Variants in BANK1 observed in about 807,000 individuals in gnomAD.
BANK1 encodes the protein B-cell scaffold protein with ankyrin repeats.
In BANK1, 95 loss-of-function variants were observed where a neutral mutation model predicts 94.5. That is an observed-to-expected ratio of 1.00 (90% CI 0.85 to 1.19). BANK1 has a LOEUF of 1.19. Ranked by LOEUF, BANK1 falls within the 50% of genes most tolerant of loss-of-function variation. The probability of loss-of-function intolerance (pLI) is 0.00; values close to 1 mark genes in which losing one functional copy is unlikely to be tolerated. For synonymous variants in BANK1, 334 were observed against 308.4 expected (o/e 1.08, Z -0.87); for missense variants, 987 against 932.2 (o/e 1.06, Z -0.77).
At chr4:102,042,809 T>G (rs1002914047) in intron 10 of BANK1, among the ~76,000 whole-genome samples, 14 of 151,942 alleles carry the variant, frequency 9.2e-5, no homozygotes, top group African/African-American at 2.9e-4. Context: ...CTAATTTCCC[T>G]TTTAATCCTC....
intron 1 of BANK1, among the ~76,000 whole-genome samples, chr4:101,796,267 GT>G (rs1378185228): frequency 1.3e-5 from 2 of 152,030 alleles, no homozygotes; most frequent in African/African-American, 4.8e-5. Context: ...CCATGAAATT[GT>G]TTATAGTATC....
chr4:101,841,306 A>G (rs1230976830), intron 2 of BANK1, among the ~76,000 whole-genome samples: 1 of 152,222 alleles, frequency 6.6e-6, no homozygotes, highest in African/African-American at 2.4e-5. Context: ...TTCATTCCAT[A>G]TATAATTCTG....
intron 6 of BANK1, among the ~76,000 whole-genome samples, chr4:101,897,548 A>C (rs1022643713): frequency 3.9e-5 from 6 of 152,000 alleles, no homozygotes; most frequent in Admixed American, 3.3e-4. Context: ...GCTGGGGTAC[A>C]TTCTAAGTGT....
intron 2 of BANK1, among the ~76,000 whole-genome samples, chr4:101,853,751 G>A (rs933596666): frequency 2.0e-5 from 3 of 152,064 alleles, no homozygotes; most frequent in African/African-American, 7.2e-5. Flanking sequence ...GGTCTCCTGG[G>A]GCAAGGCATT....
chr4:101,971,620 C>T (rs1221357249), intron 7 of BANK1, among the ~76,000 whole-genome samples: 1 of 152,016 alleles, frequency 6.6e-6, no homozygotes, highest in Non-Finnish European at 1.5e-5. Context: ...TTTACAGTTT[C>T]TGGTTTTACA....
At chr4:102,063,196 G>GGAC in intron 13 of BANK1, 58 bp downstream of exon 13, 1 of 1,475,072 alleles carries the variant, frequency 6.8e-7, no homozygotes, top group Non-Finnish European at 9.5e-7. Flanking sequence ...GAAAATTCAA[G>GGAC]GACTGTGGAG....
rs534489178 is a variant in BANK1 at position 101,978,232 on chromosome 4, A to G, written c.1207-43282A>G. On this transcript the variant is annotated intron_variant, in intron 7 of 16. Coordinates refer to ENST00000322953, the MANE Select transcript of BANK1 (RefSeq NM_017935.5). ...TGTAATTCCAGATCAGAAAATGATG[A>G]ACTTTATTTTTAGAATCACAGTATT... Among the ~76,000 whole-genome samples the G allele has an allele frequency of 1.7e-4, 26 of 152,252 alleles. No homozygotes were observed. In the South Asian group the frequency reaches 5.2e-3, roughly 30 times the overall value.
intron 2 of BANK1, among the ~76,000 whole-genome samples, chr4:101,835,973 A>C (rs1560594273): frequency 6.6e-6 from 1 of 152,194 alleles, no homozygotes; most frequent in Non-Finnish European, 1.5e-5. Flanking sequence ...TTTCAGTTGA[A>C]ATCTCAACCA....
At chr4:102,006,192 A>G (rs140241693) in intron 7 of BANK1, among the ~76,000 whole-genome samples, 1 of 152,184 alleles carries the variant, frequency 6.6e-6, no homozygotes, top group East Asian at 1.9e-4. Context: ...TCTGAGAAAG[A>G]TTAAATAACT....
In BANK1 at chr4:101,858,729, A is replaced by T. The variant is rs1727768850; in HGVS notation, c.624+3540A>T. ...TTGAGAAAATTTAATTCTGAAAGTC[A>T]TCGTGCAACCACAAAAGACCGTTAA... is the stretch of plus-strand genomic sequence containing the variant. On this transcript the variant is annotated intron_variant, in intron 3 of 16. Coordinates refer to ENST00000322953, the MANE Select transcript of BANK1 (RefSeq NM_017935.5). Among the ~76,000 whole-genome samples, 2 of 152,220 alleles carry T rather than the reference A, an allele frequency of 1.3e-5. 1 individual carries two copies. Among genetic ancestry groups the T allele is most frequent in the South Asian group, 4.1e-4 (2 of 4,830 alleles).
At chr4:101,921,941 A>G (rs991812561) in intron 7 of BANK1, among the ~76,000 whole-genome samples, 2 of 150,666 alleles carry the variant, frequency 1.3e-5, no homozygotes, top group African/African-American at 2.4e-5. Flanking sequence ...GTGCGATGGG[A>G]TTCCTGTGGC....
intron 7 of BANK1, among the ~76,000 whole-genome samples, chr4:101,939,775 C>T (rs911236852): frequency 2.0e-5 from 3 of 151,626 alleles, no homozygotes; most frequent in Non-Finnish European, 4.4e-5. Flanking sequence ...ATAAATTAAA[C>T]TTCAAAGTTG....
chr4:101,957,444 C>T (rs926420316), intron 7 of BANK1, among the ~76,000 whole-genome samples: 3 of 152,174 alleles, frequency 2.0e-5, no homozygotes, highest in African/African-American at 7.2e-5. Context: ...TCAGAAGAAG[C>T]CACTATTTGG....
chr4:101,849,016 A>T (rs1727362883), intron 2 of BANK1, among the ~76,000 whole-genome samples: 1 of 152,164 alleles, frequency 6.6e-6, no homozygotes. Flanking sequence ...CCTTGCTCTT[A>T]CTTCCCTGCA....
At chr4:102,045,588 G>T (rs1481161278) in intron 11 of BANK1, among the ~76,000 whole-genome samples, 1 of 152,092 alleles carries the variant, frequency 6.6e-6, no homozygotes, top group African/African-American at 2.4e-5. Context: ...AGCAGCTTCA[G>T]CAAAGTCTCA....
Position 101,928,446 on chromosome 4 carries a change from T to C in BANK1, c.1206+10257T>C, listed in dbSNP as rs539492455. ...TCAGAGCATTTTTATCTGTCAGACA[T>C]TAAGGTCCATTCATAGTGAAAAATC... On this transcript the variant is annotated intron_variant, in intron 7 of 16. Transcript: ENST00000322953. 5.9e-5 allele frequency among the ~76,000 whole-genome samples: 9 copies of C among 151,754 alleles called. No homozygotes were observed. In the East Asian group the frequency reaches 1.6e-3, roughly 26 times the overall value.
intron 1 of BANK1, among the ~76,000 whole-genome samples, chr4:101,806,418 G>A (rs11940244): frequency 4.6e-5 from 7 of 151,782 alleles, no homozygotes; most frequent in Non-Finnish European, 7.4e-5. Context: ...CATATAAGAC[G>A]ACTATTAATT....
chr4:101,827,654 T>C (rs560591769), intron 1 of BANK1, among the ~76,000 whole-genome samples: 1 of 152,024 alleles, frequency 6.6e-6, no homozygotes, highest in Non-Finnish European at 1.5e-5. Context: ...TTAATTTCTG[T>C]TTACTTTACT....
intron 7 of BANK1, among the ~76,000 whole-genome samples, chr4:101,945,402 A>C (rs1723894927): frequency 6.6e-6 from 1 of 151,938 alleles, no homozygotes; most frequent in African/African-American, 2.4e-5. Flanking sequence ...TATGCTATTC[A>C]CCATGCACAT....
Sources: allele counts gnomAD v4.1 joint callset (sites outside exome capture counted in the v4.1 genomes callset), GRCh38; gene constraint gnomAD v4.1.1; transcripts MANE v1.5; gene names NCBI Gene and HGNC (gene_info 2026-07-23, HGNC 2026-07-21).